Variants in OSBPL10 observed in about 807,000 individuals in gnomAD.
OSBPL10 encodes the protein oxysterol binding protein like 10, also known as oxysterol-binding protein-related protein 10.
In OSBPL10, 49 loss-of-function variants were observed where a neutral mutation model predicts 81.7. That is an observed-to-expected ratio of 0.60 (90% CI 0.48 to 0.76). OSBPL10 has a LOEUF of 0.76. Ranked by LOEUF, OSBPL10 falls within the 30% of genes least tolerant of loss-of-function variation. The probability of loss-of-function intolerance (pLI) is 0.00; values close to 1 mark genes in which losing one functional copy is unlikely to be tolerated. For synonymous variants in OSBPL10, 419 were observed against 383.6 expected, an observed-to-expected ratio of 1.09 and a Z score of -1.08; for missense variants, 923 against 987.8, an observed-to-expected ratio of 0.93 and a Z score of 0.88.
At chr3:31,746,443 C>G (rs1459262788) in intron 5 of OSBPL10, among the ~76,000 whole-genome samples, 2 of 152,128 alleles carry the variant, frequency 1.3e-5, no homozygotes, top group Non-Finnish European at 2.9e-5. Context: ...CTTTGGGAGG[C>G]TGAGGCGGGA....
chr3:31,836,488 CT>C (rs566229061), intron 3 of OSBPL10, among the ~76,000 whole-genome samples: 6 of 152,058 alleles, frequency 3.9e-5, no homozygotes, highest in Non-Finnish European at 5.9e-5. Context: ...ATTTTCTGCG[CT>C]TTTTTCCCCC....
intron 4 of OSBPL10, among the ~76,000 whole-genome samples, chr3:31,764,991 A>T (rs1298694902): frequency 6.6e-6 from 1 of 152,060 alleles, no homozygotes; most frequent in Non-Finnish European, 1.5e-5. Flanking sequence ...CATAAAACAC[A>T]TCATGGTTGT....
intron 8 of OSBPL10, among the ~76,000 whole-genome samples, chr3:31,671,504 C>T (rs1215379760): frequency 6.6e-6 from 1 of 152,092 alleles, no homozygotes; most frequent in African/African-American, 2.4e-5. Flanking sequence ...CAGCAGGGGT[C>T]AGACCTTGTC....
intron 1 of OSBPL10, among the ~76,000 whole-genome samples, chr3:32,054,742 A>G (rs947198888): frequency 3.3e-5 from 5 of 151,982 alleles, no homozygotes; most frequent in Non-Finnish European, 5.9e-5. Flanking sequence ...CACATAGGTC[A>G]GGCTGGTCTC....
At chr3:31,943,794 C>T (rs1287196654) in intron 1 of OSBPL10, among the ~76,000 whole-genome samples, 5 of 151,536 alleles carry the variant, frequency 3.3e-5, no homozygotes, top group African/African-American at 9.7e-5. Flanking sequence ...GGTGAAACCC[C>T]GTCTCTACTA....
intron 7 of OSBPL10, among the ~76,000 whole-genome samples, chr3:31,697,206 C>T (rs545606918): frequency 5.9e-5 from 9 of 152,236 alleles, no homozygotes; most frequent in Middle Eastern, 3.4e-3. Context: ...AGAAGTCGGG[C>T]GACCCAGTTG....
chr3:31,698,396 A>T (rs1464841411), intron 7 of OSBPL10, among the ~76,000 whole-genome samples: 1 of 152,102 alleles, frequency 6.6e-6, no homozygotes, highest in Non-Finnish European at 1.5e-5. Context: ...GGTTGCAGTA[A>T]GCCAAGATGG....
chr3:31,844,218 A>C (rs1382666166), intron 3 of OSBPL10, among the ~76,000 whole-genome samples: 1 of 152,216 alleles, frequency 6.6e-6, no homozygotes, highest in Non-Finnish European at 1.5e-5. Context: ...AGCAAGCAAA[A>C]TGTGTTGGTT....
intron 1 of OSBPL10, among the ~76,000 whole-genome samples, chr3:31,898,122 A>AT (rs1696119687): frequency 6.6e-6 from 1 of 151,938 alleles, no homozygotes; most frequent in African/African-American, 2.4e-5. Context: ...TCTTGTTGAC[A>AT]TTTTAAGTGT....
At position 31,990,885 on chromosome 3, in the gene OSBPL10, C is replaced by G. The variant is rs745466785; in HGVS notation, n.298+55606G>C. 2.5e-5 allele frequency: 40 copies of G among 1,575,536 alleles called. No individual in the cohort carries two copies. In the Admixed American group the frequency reaches 4.7e-4, roughly 18 times the overall value. ...ACAAGTGTGATGATTGTGGCAAAGCCTTTACTTCACATTCACATCGCATTA... is the reference window on the plus strand; with the variant it reads ...ACAAGTGTGATGATTGTGGCAAAGCGTTTACTTCACATTCACATCGCATTA... On this transcript the variant is annotated intron_variant and non_coding_transcript_variant, in intron 2 of 3. Coordinates refer to the OSBPL10 transcript ENST00000479173.
intron 2 of OSBPL10, among the ~76,000 whole-genome samples, chr3:31,986,784 G>A (rs960566453): frequency 6.6e-6 from 1 of 152,080 alleles, no homozygotes; most frequent in African/African-American, 2.4e-5. Context: ...GCTGAGATGG[G>A]AGGATTGCCC....
intron 1 of OSBPL10, among the ~76,000 whole-genome samples, chr3:31,899,562 C>T (rs1696171262): frequency 6.6e-6 from 1 of 152,126 alleles, no homozygotes; most frequent in African/African-American, 2.4e-5. Context: ...AAAATCTGAA[C>T]ACCATGCATG....
chr3:31,841,514 C>T (rs1364926621), intron 3 of OSBPL10, among the ~76,000 whole-genome samples: 2 of 152,122 alleles, frequency 1.3e-5, no homozygotes, highest in African/African-American at 2.4e-5. Context: ...TAGAAACAAC[C>T]CAGGCGAGGC....
intron 2 of OSBPL10, among the ~76,000 whole-genome samples, chr3:32,009,280 C>T (rs187624073): frequency 2.6e-5 from 4 of 152,244 alleles, no homozygotes; most frequent in East Asian, 3.9e-4. Context: ...AACTTGCAGT[C>T]GTAAGTCATA....
intron 2 of OSBPL10, among the ~76,000 whole-genome samples, chr3:31,996,684 A>T (rs139797168): frequency 9.2e-5 from 14 of 152,332 alleles, no homozygotes; most frequent in Admixed American, 9.2e-4. Flanking sequence ...TTTTGGATCA[A>T]ACCTAATATT....
intron 1 of OSBPL10, among the ~76,000 whole-genome samples, chr3:32,074,099 G>C (rs532827733): frequency 1.3e-5 from 2 of 151,848 alleles, no homozygotes; most frequent in Non-Finnish European, 1.5e-5. Context: ...AGCCATCCCC[G>C]CTCTACAGGC....
intron 2 of OSBPL10, among the ~76,000 whole-genome samples, chr3:32,015,163 G>T (rs1699301463): frequency 6.6e-6 from 1 of 152,118 alleles, no homozygotes. Context: ...AAAGAACAAA[G>T]CTGGAGGCAT....
intron 3 of OSBPL10, among the ~76,000 whole-genome samples, chr3:31,862,407 G>A (rs1196061600): frequency 6.6e-6 from 1 of 152,096 alleles, no homozygotes; most frequent in African/African-American, 2.4e-5. Context: ...CATTAAGACA[G>A]TGTTGAAATA....
chr3:32,015,395 A>G (rs943983125), intron 2 of OSBPL10, among the ~76,000 whole-genome samples: 6 of 152,214 alleles, frequency 3.9e-5, no homozygotes, highest in African/African-American at 1.2e-4. Flanking sequence ...CTAGCCATAC[A>G]TAGAAAGCTG....
Sources: gnomAD v4.1 joint callset for allele counts (sites outside exome capture counted in the v4.1 genomes callset) on GRCh38, gnomAD v4.1.1 for gene constraint, MANE v1.5 for transcripts, NCBI Gene and HGNC (gene_info 2026-07-23, HGNC 2026-07-21) for gene names.